Variants in DCLRE1C observed in about 807,000 individuals in gnomAD.
DCLRE1C encodes protein artemis.
DCLRE1C carries 47 observed loss-of-function variants against 61.4 expected under a neutral mutation model. That is an observed-to-expected ratio of 0.77 (90% CI 0.61 to 0.98). DCLRE1C has a LOEUF of 0.98. Ranked by LOEUF, DCLRE1C falls within the 50% of genes least tolerant of loss-of-function variation. The pLI is 0.00. For missense variants in DCLRE1C, 858 were observed against 816.0 expected, an observed-to-expected ratio of 1.05 and a Z score of -0.63; for synonymous variants, 337 against 287.6, an observed-to-expected ratio of 1.17 and a Z score of -1.74.
chr10:14,917,318 ATATT>A (rs959844758), intron 13 of DCLRE1C, among the ~76,000 whole-genome samples: 58 of 152,282 alleles, frequency 3.8e-4, no homozygotes, highest in African/African-American at 1.3e-3. Flanking sequence ...ACAGGAGAAA[ATATT>A]TATGCCTTTG....
At chr10:14,940,364 C>T (rs41296968) in intron 3 of DCLRE1C, among the ~76,000 whole-genome samples, 3,373 of 150,466 alleles carry the variant, frequency 0.022, 94 homozygotes, top group African/African-American at 0.079. Flanking sequence ...TATCGGCTCA[C>T]TGCAACCACC....
intron 4 of DCLRE1C, among the ~76,000 whole-genome samples, chr10:14,936,893 G>A (rs962695710): frequency 1.3e-4 from 20 of 152,160 alleles, no homozygotes; most frequent in African/African-American, 4.6e-4. Context: ...TAGCCAAAAG[G>A]TGGAACCAGT....
In DCLRE1C at chr10:14,899,467, TTAG is replaced by T. The variant is rs546943726; in HGVS notation, c.1157-158_1157-156del. ...TTAAATATTTGTAGGTATTCGCATA[TTAG>T]TAGATAGGTAGATGAATGCTTCTTT... On this transcript the variant is annotated intron_variant, in intron 13 of 13. Transcript: ENST00000378289. The T allele has an allele frequency of 1.1e-4, 162 of 1,509,724 alleles. No individual in the cohort carries two copies. The African/African-American group carries it at 1.9e-3, about 18-fold the overall frequency. 93.5% of individuals were successfully genotyped at this position (1,509,724 alleles called of 1,614,324 possible). A position where few individuals can be genotyped will look rare whatever the true frequency, so the allele number is the denominator to read the frequency against.
At chr10:14,928,660 C>A (rs559148588) in intron 9 of DCLRE1C, among the ~76,000 whole-genome samples, 1 of 152,020 alleles carries the variant, frequency 6.6e-6, no homozygotes, top group East Asian at 1.9e-4. Flanking sequence ...TTTGGGGTGA[C>A]GTACCATGGA....
chr10:14,925,766 C>T (rs114714692), intron 11 of DCLRE1C, among the ~76,000 whole-genome samples: 1 of 152,234 alleles, frequency 6.6e-6, no homozygotes, highest in African/African-American at 2.4e-5. Flanking sequence ...AATAAGATCA[C>T]CAACAAAAAG....
chr10:14,909,356 T>TAGG, intron 13 of DCLRE1C, 26 bp from the exon 14 acceptor site: 1 of 1,608,176 alleles, frequency 6.2e-7, no homozygotes, highest in Non-Finnish European at 8.5e-7. Flanking sequence ...AACAGGTTTA[T>TAGG]AGGAAACAAG....
At chr10:14,947,601 T>A (rs1841889066) in intron 2 of DCLRE1C, 1 of 152,304 alleles carries the variant, frequency 6.6e-6, no homozygotes, top group African/African-American at 2.4e-5. Flanking sequence ...GGTTCCTCAG[T>A]TTCCTCATCT....
downstream of DCLRE1C, chr10:14,904,132 C>G (rs1399195547): frequency 6.6e-6 from 1 of 151,834 alleles, no homozygotes; most frequent in African/African-American, 2.4e-5. Flanking sequence ...TGGTGAAACC[C>G]TGTCTCTACT....
chr10:14,899,507 T>C lies in DCLRE1C; in HGVS notation c.1157-195A>G, dbSNP rs1169057611. ...ATGAATGCTTCTTTGGTTCAGTAGC[T>C]ACGTAATATACTTACAGTTTTTTCT... On this transcript the variant is annotated intron_variant, in intron 13 of 13. Coordinates refer to the DCLRE1C transcript ENST00000378289. The C allele has an allele frequency of 3.1e-6, 5 of 1,608,886 alleles. No homozygotes were observed. The South Asian group carries it at 4.4e-5, about 14-fold the overall frequency.
chr10:14,910,223 A>G (rs774721952), intron 13 of DCLRE1C, among the ~76,000 whole-genome samples: 3 of 152,312 alleles, frequency 2.0e-5, no homozygotes, highest in Middle Eastern at 3.4e-3. Context: ...GCCAATACAC[A>G]CGACCCAACC....
chr10:14,924,642 T>A (rs941058090), intron 11 of DCLRE1C, among the ~76,000 whole-genome samples: 11 of 151,700 alleles, frequency 7.3e-5, no homozygotes, highest in Non-Finnish European at 1.6e-4. Context: ...AGGTCAGGAG[T>A]TCGAGACCAA....
At position 14,908,298 on chromosome 10, in the gene DCLRE1C, A is replaced by G; in HGVS notation, c.*110T>C. ...TTACAAGTGTGAGCCACCACACCCA[A>G]CCAGGTTATTTGAACATTTTTAAGT... is the stretch of plus-strand genomic sequence containing the variant. On this transcript the variant is annotated 3_prime_UTR_variant, in exon 14 of 14. Transcript: ENST00000378278. 2 of 936,486 alleles carry G rather than the reference A, an allele frequency of 2.1e-6. No individual in the cohort carries two copies. Among genetic ancestry groups the G allele is most frequent in the Admixed American group, 2.0e-5 (1 of 49,198 alleles). The allele number at this position is 936,486 out of a possible 1,614,324, so 58.0% of individuals were successfully genotyped here. A position where few individuals can be genotyped will look rare whatever the true frequency, so the allele number is the denominator to read the frequency against.
At chr10:14,915,318 A>G (rs1835989431) in intron 13 of DCLRE1C, among the ~76,000 whole-genome samples, 1 of 152,060 alleles carries the variant, frequency 6.6e-6, no homozygotes, top group Admixed American at 6.6e-5. Context: ...CCGTGCCAAA[A>G]AAACAAAAAA....
chr10:14,941,449 T>A (rs550092384), intron 3 of DCLRE1C, among the ~76,000 whole-genome samples: 4 of 152,176 alleles, frequency 2.6e-5, no homozygotes, highest in Non-Finnish European at 5.9e-5. Flanking sequence ...TATACCAGGC[T>A]AGTTTTTAAG....
intron 8 of DCLRE1C, 70 bp from the exon 9 acceptor site, chr10:14,933,025 C>T (rs1839289664): frequency 1.3e-6 from 2 of 1,560,484 alleles, no homozygotes; most frequent in African/African-American, 1.4e-5. Context: ...AGGTTAATTA[C>T]TCAGGGCAAA....
At position 14,904,844 on chromosome 10, in the gene DCLRE1C, C is replaced by G. The variant is rs1834260659; in HGVS notation, c.*3564G>C. Among the ~76,000 whole-genome samples the G allele has an allele frequency of 6.6e-6, 1 of 151,590 alleles. No individual in the cohort carries two copies. Among genetic ancestry groups the G allele is most frequent in the African/African-American group, 2.4e-5 (1 of 41,400 alleles). ...AAGACAAATATCAAAGGTAATAGAT[C>G]CAGTTTAAAAGGTGAATCCACTGTA... On this transcript the variant is annotated 3_prime_UTR_variant, in exon 14 of 14. Transcript: ENST00000378278.
chr10:14,899,572 C>G, intron 13 of DCLRE1C: 1 of 1,614,122 alleles, frequency 6.2e-7, no homozygotes. Context: ...AAGACGAGGA[C>G]AGTTCTATGA....
chr10:14,926,505 T>G (rs1837998149), intron 11 of DCLRE1C, among the ~76,000 whole-genome samples: 1 of 151,844 alleles, frequency 6.6e-6, no homozygotes, highest in African/African-American at 2.4e-5. Context: ...TACAAAAATT[T>G]TAGCTGGGCA....
chr10:14,952,670 C>A (rs1048663324), intron 1 of DCLRE1C, among the ~76,000 whole-genome samples: 16 of 152,076 alleles, frequency 1.1e-4, no homozygotes, highest in Non-Finnish European at 2.4e-4. Context: ...ATGTGCCACA[C>A]TGTACTCCAG....
Sources: allele counts gnomAD v4.1 joint callset (sites outside exome capture counted in the v4.1 genomes callset), GRCh38; gene constraint gnomAD v4.1.1; transcripts MANE v1.5; gene names NCBI Gene and HGNC (gene_info 2026-07-23, HGNC 2026-07-21).